PASD1: variants seen among roughly 807,000 people sequenced by gnomAD.
PASD1 encodes the protein PAS domain containing repressor 1, also known as circadian clock protein PASD1.
A neutral mutation model predicts 58.8 loss-of-function variants in PASD1; 13 were observed. The ratio of observed to expected loss-of-function variants is 0.22; its 90% confidence interval spans 0.14 to 0.35. The LOEUF (loss-of-function observed/expected upper bound fraction) is 0.35. Among genes scored for constraint, PASD1 ranks in the 10% least tolerant of loss-of-function variants. The probability of loss-of-function intolerance (pLI) is 1.00; values close to 1 mark genes in which losing one functional copy is unlikely to be tolerated. For missense variants in PASD1, 734 were observed against 568.3 expected, an observed-to-expected ratio of 1.29 and a Z score of -2.96; for synonymous variants, 236 against 216.7, an observed-to-expected ratio of 1.09 and a Z score of -0.78.
At chrX:151,646,770 G>T (rs187327357) in intron 8 of PASD1, among the ~76,000 whole-genome samples, 5 of 112,553 alleles carry the variant, frequency 4.4e-5, no homozygotes, top group African/African-American at 6.4e-5. Context: ...TGATTGAATT[G>T]ACTACTAAGT....
chrX:151,672,988 T>A (rs2014498525), intron 14 of PASD1: 2 of 224,250 alleles, frequency 8.9e-6, no homozygotes, highest in East Asian at 1.9e-4. Flanking sequence ...TTGCACAGGG[T>A]GTCTATGGAC....
intron 1 of PASD1, among the ~76,000 whole-genome samples, chrX:151,577,115 A>G (rs139074538): frequency 0.012 from 1,343 of 111,344 alleles, 15 homozygotes; most frequent in African/African-American, 0.041. Flanking sequence ...GATTGCTTGA[A>G]CCGAGGAATT....
chrX:151,676,536 T>C lies in PASD1; in HGVS notation c.*393T>C, dbSNP rs11796697. 0.074 allele frequency: 9,036 copies of C among 122,528 alleles called. 348 individuals are homozygous for C. The highest frequency in any genetic ancestry group is 0.11 in the Non-Finnish European group (6,762 of 60,808). 10.1% of individuals were successfully genotyped at this position (122,528 alleles called of 1,213,427 possible). The stretch of plus-strand genomic sequence containing the variant: ...CCAAAGTGCTTTTCAATCTAGTAAA[T>C]CTAGAGGGTTGTTTTGTCTTAGCCA... On this transcript the variant is annotated 3_prime_UTR_variant, in exon 16 of 16. Coordinates refer to ENST00000370357, the MANE Select transcript of PASD1 (RefSeq NM_173493.3).
intron 1 of PASD1, among the ~76,000 whole-genome samples, chrX:151,593,731 A>T (rs2013281196): frequency 9.0e-6 from 1 of 111,317 alleles, no homozygotes; most frequent in Non-Finnish European, 1.9e-5. Flanking sequence ...TTATAGTAGC[A>T]TGATTTATAA....
chrX:151,605,764 C>T (rs1054743824), intron 3 of PASD1, among the ~76,000 whole-genome samples: 2 of 109,981 alleles, frequency 1.8e-5, no homozygotes, highest in African/African-American at 6.6e-5. Flanking sequence ...ATGTTCAGCT[C>T]ATTATGTTTC....
chrX:151,600,627 G>T (rs764599403), intron 1 of PASD1, among the ~76,000 whole-genome samples: 1 of 110,238 alleles, frequency 9.1e-6, no homozygotes, highest in East Asian at 2.9e-4. Flanking sequence ...GTAGGGAGAG[G>T]TGGTGAGTTT....
chrX:151,621,038 A>G lies in PASD1; in HGVS notation c.307+9A>G. ...TCCTTTACTAAACTCAGGTATGTAT[A>G]TTTTTAAAAGTAGTAAATTCTTAGG... On this transcript the variant is annotated intron_variant, in intron 5 of 15. Transcript: ENST00000370357. The G allele has an allele frequency of 8.8e-7, 1 of 1,134,921 alleles. No homozygotes were observed. The highest frequency in any genetic ancestry group is 1.2e-6 in the Non-Finnish European group (1 of 833,794). 93.5% of individuals were successfully genotyped at this position (1,134,921 alleles called of 1,213,427 possible). A position where few individuals can be genotyped will look rare whatever the true frequency, so the allele number is the denominator to read the frequency against.
Position 151,659,786 on chromosome X carries a change from C to T in PASD1, c.791C>T (p.Ser264Leu). Residue 264 changes from serine to leucine, a missense_variant, in exon 10 of 16, where the codon TCA becomes TTA. Coordinates refer to ENST00000370357, the MANE Select transcript of PASD1 (RefSeq NM_173493.3). The stretch of plus-strand genomic sequence containing the variant: ...GTTCACATGTTTGTAGATTCTGATT[C>T]AACTTATTGCTCCAGTACAGTTTTC... ...ENVHMFVDSD[S>L]TYCSSTVFLD... 8.3e-7 allele frequency: 1 copy of T among 1,204,793 alleles called. No individual in the cohort carries two copies. Among genetic ancestry groups the T allele is most frequent in the Non-Finnish European group, 1.1e-6 (1 of 889,327 alleles).
chrX:151,629,811 A>G (rs2013844371), intron 8 of PASD1, among the ~76,000 whole-genome samples: 1 of 111,933 alleles, frequency 8.9e-6, no homozygotes, highest in Non-Finnish European at 1.9e-5. Flanking sequence ...AGGTTTGGGT[A>G]ATGAATTTTG....
intron 9 of PASD1, among the ~76,000 whole-genome samples, chrX:151,656,772 G>A (rs56049482): frequency 0.31 from 34,773 of 110,601 alleles, 4,753 homozygotes; most frequent in Middle Eastern, 0.48. Flanking sequence ...AGACGATGGG[G>A]TTTTCTAAAT....
rs1176279306 is a variant in PASD1, at chrX:151,620,982, A to G, written c.260A>G (p.Asp87Gly). The G allele has an allele frequency of 1.7e-6, 2 of 1,206,508 alleles. No individual in the cohort carries two copies. Among genetic ancestry groups the G allele is most frequent in the Non-Finnish European group, 2.2e-6 (2 of 893,078 alleles). The change falls in exon 5 of 16, where the codon GAT (aspartate) becomes GGT (glycine). Residue 87 changes from aspartate (D) to glycine (G), a missense_variant. By Grantham distance (94) the Asp-to-Gly change is moderately conservative. Transcript: ENST00000370357. Reference sequence around the variant, plus strand: ...AGCCTTCTGCCTGATGAAGAGAAAGATGAAGTCTACCAAAAGATTATTCTC... The same window carrying G: ...AGCCTTCTGCCTGATGAAGAGAAAGGTGAAGTCTACCAAAAGATTATTCTC... ...LLSLLPDEEKDEVYQKIILKF... is the reference protein window; with the variant it reads ...LLSLLPDEEKGEVYQKIILKF...
intron 15 of PASD1, 103 bp from the exon 16 acceptor site, chrX:151,675,894 C>A: frequency 1.1e-6 from 1 of 898,114 alleles, no homozygotes; most frequent in Non-Finnish European, 1.6e-6. Context: ...AGAAGTATTT[C>A]TCAGCAGCTT....
intron 9 of PASD1, among the ~76,000 whole-genome samples, chrX:151,656,077 A>G (rs1191693730): frequency 8.9e-6 from 1 of 112,266 alleles, no homozygotes; most frequent in Non-Finnish European, 1.9e-5. Context: ...ACATATGTCT[A>G]GCCAGTTTTC....
intron 4 of PASD1, among the ~76,000 whole-genome samples, chrX:151,620,141 A>G (rs2013686169): frequency 8.9e-6 from 1 of 112,195 alleles, no homozygotes; most frequent in Non-Finnish European, 1.9e-5. Flanking sequence ...TGATATTTCA[A>G]TACATGCATA....
rs763571859 is a variant in PASD1 at position 151,621,063 on chromosome X, G to A, written c.307+34G>A. On this transcript the variant is annotated intron_variant, in intron 5 of 15. Coordinates refer to ENST00000370357, the MANE Select transcript of PASD1 (RefSeq NM_173493.3). ...ATTTTTAAAAGTAGTAAATTCTTAG[G>A]TTTTAAGGGACAAGTAACAATCGCT... The A allele has an allele frequency of 3.1e-6, 3 of 977,155 alleles. No homozygotes were observed. The Admixed American group carries it at 7.2e-5, about 23-fold the overall frequency. The allele number at this position is 977,155 out of a possible 1,213,427, so 80.5% of individuals were successfully genotyped here. A position where few individuals can be genotyped will look rare whatever the true frequency, so the allele number is the denominator to read the frequency against.
rs148506737 is a variant in PASD1 at position 151,659,760 on chromosome X, C to T, written c.765C>T (p.Asn255=). The change falls in exon 10 of 16, where the codon AAC becomes AAT. Residue 255 remains asparagine, a synonymous_variant. Coordinates refer to ENST00000370357, the MANE Select transcript of PASD1 (RefSeq NM_173493.3). ...TTGAGCAGTATGGACCACAAGAAAA[C>T]GTTCACATGTTTGTAGATTCTGATT... ...AEVEQYGPQE[N]VHMFVDSDST... 7.2e-5 allele frequency: 86 copies of T among 1,200,241 alleles called. No individual in the cohort carries two copies. Among genetic ancestry groups the T allele is most frequent in the South Asian group, 4.6e-4 (26 of 56,527 alleles).
chrX:151,570,790 C>T (rs932719451), intron 1 of PASD1, among the ~76,000 whole-genome samples: 2 of 112,405 alleles, frequency 1.8e-5, no homozygotes, highest in Non-Finnish European at 3.8e-5. Flanking sequence ...GCTGTCAGGA[C>T]TGTGGGCTGC....
In PASD1 at chrX:151,592,531, A is replaced by C. The variant is rs779856374; in HGVS notation, c.-27-8996A>C. Among the ~76,000 whole-genome samples, 8 of 112,187 alleles carry C rather than the reference A, an allele frequency of 7.1e-5. No individual in the cohort carries two copies. The East Asian group carries it at 2.2e-3, about 31-fold the overall frequency. On this transcript the variant is annotated intron_variant, in intron 1 of 15. Coordinates refer to ENST00000370357, the MANE Select transcript of PASD1 (RefSeq NM_173493.3). Reference sequence around the variant, plus strand: ...AAGATGTATAAATGTAATTTTAATAAATTACAATTAGATTATTGAAGTTTT... The same window carrying C: ...AAGATGTATAAATGTAATTTTAATACATTACAATTAGATTATTGAAGTTTT...
chrX:151,675,997 G>T lies in PASD1; in HGVS notation c.2176G>T (p.Val726Leu). The change falls in exon 16 of 16, where the codon GTG (valine) becomes TTG (leucine). Residue 726 changes from valine to leucine, a missense_variant and splice_region_variant. Transcript: ENST00000370357. ...TLHGQPTYHQ[V>L]QVSEVGVEGP... ...ACCTTGTTTCACTTTTTCCTGGCAGGTGCAAGTTTCTGAGGTAGGAGTCGA... is the reference window on the plus strand; with the variant it reads ...ACCTTGTTTCACTTTTTCCTGGCAGTTGCAAGTTTCTGAGGTAGGAGTCGA... 1 of 1,209,869 alleles carries T rather than the reference G, an allele frequency of 8.3e-7. No homozygotes were observed.
Sources: gnomAD v4.1 joint callset for allele counts (sites outside exome capture counted in the v4.1 genomes callset) on GRCh38, gnomAD v4.1.1 for gene constraint, MANE v1.5 for transcripts, NCBI Gene and HGNC (gene_info 2026-07-23, HGNC 2026-07-21) for gene names.